Variants in CPNE8 observed in about 807,000 individuals in gnomAD.
CPNE8 encodes copine 8, also known as copine-8.
In CPNE8, 45 loss-of-function variants were observed where a neutral mutation model predicts 81.5. The observed-to-expected ratio is 0.55, with a 90% CI of 0.44 to 0.71. CPNE8 has a LOEUF of 0.71. Ranked by LOEUF, CPNE8 falls within the 30% of genes least tolerant of loss-of-function variation. The pLI, the probability that CPNE8 is intolerant of heterozygous loss-of-function variation, is 0.00. For synonymous variants in CPNE8, 252 were observed against 226.3 expected, an observed-to-expected ratio of 1.11 and a Z score of -1.02; for missense variants, 594 against 672.1, an observed-to-expected ratio of 0.88 and a Z score of 1.28.
intron 18 of CPNE8, among the ~76,000 whole-genome samples, chr12:38,674,961 A>C (rs923200): frequency 0.76 from 114,953 of 152,122 alleles, 48,070 homozygotes; most frequent in Non-Finnish European, 0.94. Context: ...CACCTGAACC[A>C]GGTGAATATT....
chr12:38,676,347 A>G (rs2136649115), intron 17 of CPNE8: 2 of 979,624 alleles, frequency 2.0e-6, no homozygotes, highest in Non-Finnish European at 2.4e-6. Flanking sequence ...GATCAAATAG[A>G]AGGTAAGGAG....
chr12:38,687,733 G>A (rs1480171007), intron 15 of CPNE8, among the ~76,000 whole-genome samples: 1 of 152,098 alleles, frequency 6.6e-6, no homozygotes, highest in Non-Finnish European at 1.5e-5. Context: ...GGGGCCAAAT[G>A]TTACCAACTA....
intron 10 of CPNE8, among the ~76,000 whole-genome samples, chr12:38,759,022 T>TTTCTCATGTGCCCAA: frequency 6.6e-6 from 1 of 152,192 alleles, no homozygotes; most frequent in Non-Finnish European, 1.5e-5. Flanking sequence ...TTTTAAACCA[T>TTTCTCATGTGCCCAA]TTCTCATGTG....
chr12:38,755,709 TCTAA>T (rs1421429525), intron 10 of CPNE8, among the ~76,000 whole-genome samples: 4 of 152,170 alleles, frequency 2.6e-5, no homozygotes, highest in Non-Finnish European at 5.9e-5. Flanking sequence ...AAGCAATGCC[TCTAA>T]CTCTCAGACC....
chr12:38,816,076 CATTT>C (rs1160981580), intron 6 of CPNE8, among the ~76,000 whole-genome samples: 1 of 152,038 alleles, frequency 6.6e-6, no homozygotes, highest in Non-Finnish European at 1.5e-5. Context: ...TCATAGTTTG[CATTT>C]ATAATGTGGT....
intron 1 of CPNE8, among the ~76,000 whole-genome samples, chr12:38,884,339 T>C (rs1415747827): frequency 6.6e-6 from 1 of 152,228 alleles, no homozygotes; most frequent in Non-Finnish European, 1.5e-5. Context: ...TACATGATGT[T>C]TTGAAGATTC....
At chr12:38,888,950 C>T (rs1256225131) in intron 1 of CPNE8, among the ~76,000 whole-genome samples, 1 of 152,174 alleles carries the variant, frequency 6.6e-6, no homozygotes, top group African/African-American at 2.4e-5. Context: ...TTCCTTTCTT[C>T]AACTATATAT....
chr12:38,705,326 T>C (rs1290133306), intron 13 of CPNE8, among the ~76,000 whole-genome samples: 1 of 152,142 alleles, frequency 6.6e-6, no homozygotes, highest in Admixed American at 6.6e-5. Context: ...GACATTTCCT[T>C]CTTTCTCCAA....
intron 14 of CPNE8, 61 bp downstream of exon 14, chr12:38,702,814 A>T: frequency 1.0e-6 from 1 of 1,001,794 alleles, no homozygotes; most frequent in Non-Finnish European, 1.5e-6. Flanking sequence ...TTATGAAAAT[A>T]TAAATTTATT....
intron 1 of CPNE8, among the ~76,000 whole-genome samples, chr12:38,902,328 G>GAA (rs1231731974): frequency 6.8e-5 from 4 of 59,168 alleles, no homozygotes; most frequent in African/African-American, 4.3e-4. Context: ...AAGAAAGAAA[G>GAA]AAAGAAAGAA....
intron 6 of CPNE8, among the ~76,000 whole-genome samples, chr12:38,810,319 T>C (rs1232747148): frequency 2.0e-5 from 3 of 152,198 alleles, no homozygotes; most frequent in Non-Finnish European, 2.9e-5. Context: ...TGAGAGTGTC[T>C]AGAGATCACA....
At chr12:38,740,976 T>A (rs978773216) in intron 10 of CPNE8, among the ~76,000 whole-genome samples, 5 of 152,074 alleles carry the variant, frequency 3.3e-5, no homozygotes, top group African/African-American at 9.7e-5. Flanking sequence ...TACCAGCTCC[T>A]CCTTGAAGGA....
At chr12:38,877,585 A>C (rs559923400) in intron 1 of CPNE8, among the ~76,000 whole-genome samples, 49 of 152,280 alleles carry the variant, frequency 3.2e-4, no homozygotes, top group African/African-American at 1.1e-3. Context: ...AATTTTGGAA[A>C]AATACAGTGT....
intron 6 of CPNE8, among the ~76,000 whole-genome samples, chr12:38,796,299 A>T (rs770367314): frequency 1.3e-5 from 2 of 152,008 alleles, no homozygotes; most frequent in Non-Finnish European, 2.9e-5. Flanking sequence ...AAAATTAAAA[A>T]CAAAAAAAAA....
intron 3 of CPNE8, among the ~76,000 whole-genome samples, chr12:38,864,202 C>G (rs1298516575): frequency 3.3e-5 from 5 of 152,054 alleles, no homozygotes; most frequent in Non-Finnish European, 4.4e-5. Flanking sequence ...CTGTGTAATG[C>G]TAAGAATATC....
At chr12:38,902,059 G>A (rs1052661603) in intron 1 of CPNE8, among the ~76,000 whole-genome samples, 3 of 151,308 alleles carry the variant, frequency 2.0e-5, no homozygotes, top group Non-Finnish European at 4.4e-5. Flanking sequence ...AGCTTCAATC[G>A]TTTATCTTTT....
intron 1 of CPNE8, among the ~76,000 whole-genome samples, chr12:38,903,568 A>G (rs1944519822): frequency 6.6e-6 from 1 of 152,238 alleles, no homozygotes; most frequent in Non-Finnish European, 1.5e-5. Context: ...TCCCTTAAAA[A>G]GCTCATGGAA....
chr12:38,793,997 G>A (rs541568240), intron 6 of CPNE8, among the ~76,000 whole-genome samples: 1 of 152,146 alleles, frequency 6.6e-6, no homozygotes, highest in African/African-American at 2.4e-5. Flanking sequence ...AAAAGGTGGT[G>A]GGAAAACTAT....
chr12:38,682,130 G>A (rs1373269468), intron 16 of CPNE8, among the ~76,000 whole-genome samples: 2 of 152,210 alleles, frequency 1.3e-5, no homozygotes, highest in Admixed American at 1.3e-4. Flanking sequence ...TGAGGCACAA[G>A]AATTGCTTGA....
Sources: gnomAD v4.1 joint callset for allele counts (sites outside exome capture counted in the v4.1 genomes callset) on GRCh38, gnomAD v4.1.1 for gene constraint, MANE v1.5 for transcripts, NCBI Gene and HGNC (gene_info 2026-07-23, HGNC 2026-07-21) for gene names.